The following NPHP4 variants were observed in gnomAD, a reference collection of about 807,000 sequenced individuals.
NPHP4 encodes nephrocystin 4.
Under a neutral mutation model 155.8 loss-of-function variants are expected in NPHP4, and 151 were observed. That is an observed-to-expected ratio of 0.97 (90% CI 0.85 to 1.11). The LOEUF is 1.11. NPHP4 is among the 50% of genes least tolerant of loss of function. The pLI is 0.00. For synonymous variants in NPHP4, 845 were observed against 816.8 expected, an observed-to-expected ratio of 1.03 and a Z score of -0.59; for missense variants, 1,956 against 1,925.7, an observed-to-expected ratio of 1.02 and a Z score of -0.29.
At chr1:5,972,223 C>G (rs12091974) in intron 3 of NPHP4, among the ~76,000 whole-genome samples, 4,041 of 152,280 alleles carry the variant, frequency 0.027, 156 homozygotes, top group African/African-American at 0.088. Context: ...TTTTAATAAG[C>G]CTTTAACAGG....
chr1:5,933,370 AGAAG>A (rs763375864), intron 9 of NPHP4, 41 bp from the exon 10 acceptor site: 8 of 1,541,230 alleles, frequency 5.2e-6, no homozygotes, highest in Non-Finnish European at 6.2e-6. Flanking sequence ...GAGTTATCAC[AGAAG>A]TCACCTGGAG....
At chr1:5,942,284 C>A (rs113738557) in intron 9 of NPHP4, among the ~76,000 whole-genome samples, 1 of 152,112 alleles carries the variant, frequency 6.6e-6, no homozygotes, top group Non-Finnish European at 1.5e-5. Context: ...GTAATCCCAG[C>A]ACTTTGGAAG....
rs1402607812 is a variant in NPHP4 at position 5,917,354 on chromosome 1, T to C, written c.1442-8141A>G. ...CCTGGGAGCTCCTGGGCTCACCATG[T>C]GGAGAAACTCTACCCGGAAAGAAGC... On this transcript the variant is annotated intron_variant, in intron 11 of 29. Coordinates refer to ENST00000378156, the MANE Select transcript of NPHP4 (RefSeq NM_015102.5). 3.3e-5 allele frequency among the ~76,000 whole-genome samples: 5 copies of C among 151,966 alleles called. No individual in the cohort carries two copies. In the East Asian group the frequency reaches 9.7e-4, roughly 30 times the overall value.
At chr1:5,878,627 CAT>C (rs891765243) in intron 19 of NPHP4, among the ~76,000 whole-genome samples, 11 of 152,208 alleles carry the variant, frequency 7.2e-5, no homozygotes, top group Admixed American at 3.3e-4. Flanking sequence ...ATGGGTGAGA[CAT>C]GTGCTTTTAA....
intron 1 of NPHP4, among the ~76,000 whole-genome samples, chr1:5,987,734 G>A (rs1655697158): frequency 6.6e-6 from 1 of 152,186 alleles, no homozygotes; most frequent in African/African-American, 2.4e-5. Context: ...GGGGAAGCCT[G>A]GCTGTGACTG....
chr1:5,876,997 G>T, intron 20 of NPHP4, 96 bp downstream of exon 20: 2 of 860,076 alleles, frequency 2.3e-6, no homozygotes, highest in Non-Finnish European at 1.6e-6. Context: ...TGGGAGGAAG[G>T]TAAGAGAGAA....
chr1:5,958,329 T>C (rs1235359617), intron 6 of NPHP4, among the ~76,000 whole-genome samples: 1 of 152,122 alleles, frequency 6.6e-6, no homozygotes, highest in Non-Finnish European at 1.5e-5. Context: ...GTGCATTCCT[T>C]GATGCTGGAG....
At chr1:5,915,773 GTCCCAC>G (rs2101479663) in intron 11 of NPHP4, among the ~76,000 whole-genome samples, 1 of 152,278 alleles carries the variant, frequency 6.6e-6, no homozygotes, top group Non-Finnish European at 1.5e-5. Context: ...CTGACCCACT[GTCCCAC>G]TAATTCTCCA....
At chr1:5,974,794 G>A (rs1255120105) in intron 3 of NPHP4, among the ~76,000 whole-genome samples, 6 of 152,100 alleles carry the variant, frequency 3.9e-5, no homozygotes, top group Middle Eastern at 3.4e-3. Context: ...CCCCTCTCTC[G>A]GGGTCATGTG....
At position 5,890,760 on chromosome 1, in the gene NPHP4, C is replaced by T; in HGVS notation, c.2304+108G>A. 1 of 980,532 alleles carries T rather than the reference C, an allele frequency of 1.0e-6. No homozygotes were observed. Among genetic ancestry groups the T allele is most frequent in the Non-Finnish European group, 1.5e-6 (1 of 678,492 alleles). 60.7% of individuals were successfully genotyped at this position (980,532 alleles called of 1,614,324 possible). ...GTGAACAAAGAAGGTCAAACAAGTC[C>T]TGTGCGGGATAGCGCCCGCTCCTTC... On this transcript the variant is annotated intron_variant, in intron 17 of 29. Transcript: ENST00000378156. This position sits in a 1 kb window ranked among gnomAD's most constrained non-coding sequence, Gnocchi z 4.9.
At chr1:5,909,763 C>T (rs12069778) in intron 11 of NPHP4, among the ~76,000 whole-genome samples, 2,839 of 152,264 alleles carry the variant, frequency 0.019, 72 homozygotes, top group African/African-American at 0.062. Flanking sequence ...CAAGGCCAGC[C>T]CTTCATGGGG....
At chr1:5,952,977 G>A (rs1570611182) in intron 6 of NPHP4, 141 bp from the exon 7 acceptor site, 2 of 682,384 alleles carry the variant, frequency 2.9e-6, no homozygotes, top group Non-Finnish European at 4.7e-6. Context: ...AGAGCACAAG[G>A]CCCAAGCCAA....
intron 16 of NPHP4, among the ~76,000 whole-genome samples, chr1:5,898,459 C>T (rs1457171774): frequency 6.6e-6 from 1 of 152,210 alleles, no homozygotes; most frequent in Non-Finnish European, 1.5e-5. Context: ...GGCTCACGGG[C>T]GTGGCTGCCG....
intron 16 of NPHP4, among the ~76,000 whole-genome samples, chr1:5,897,513 A>T (rs1486193422): frequency 6.6e-6 from 1 of 152,206 alleles, no homozygotes; most frequent in Non-Finnish European, 1.5e-5. Flanking sequence ...AACAGCTTTC[A>T]GCCGTCGCTC....
At position 5,866,476 on chromosome 1, in the gene NPHP4, AG is replaced by A. The variant is rs201335783; in HGVS notation, c.3559-19del. 5,848 of 1,489,700 alleles carry A rather than the reference AG, an allele frequency of 3.9e-3. 17 individuals are homozygous for A. The highest frequency in any genetic ancestry group is 5.0e-3 in the Non-Finnish European group (5,348 of 1,077,380). The allele number at this position is 1,489,700 out of a possible 1,614,324, so 92.3% of individuals were successfully genotyped here. On this transcript the variant is annotated intron_variant, in intron 25 of 29. Coordinates refer to ENST00000378156, the MANE Select transcript of NPHP4 (RefSeq NM_015102.5). The stretch of plus-strand genomic sequence containing the variant: ...CCGGGGCCCTGCCAACCAGATGTGC[AG>A]CACATCAGGGCACACAGTGCTCTGC...
intron 7 of NPHP4, 58 bp from the exon 8 acceptor site, chr1:5,948,309 G>A: frequency 7.4e-7 from 1 of 1,359,120 alleles, no homozygotes; most frequent in Non-Finnish European, 9.8e-7. Flanking sequence ...GAGCTCGCCA[G>A]AAGTCCCTGG....
At chr1:5,933,016 G>C (rs1646355513) in intron 10 of NPHP4, 131 bp downstream of exon 10, 1 of 656,480 alleles carries the variant, frequency 1.5e-6, no homozygotes. Context: ...CTTTCTAAAG[G>C]CATACCCATG....
At chr1:5,932,995 A>T (rs563725012) in intron 10 of NPHP4, among the ~76,000 whole-genome samples, 152 bp downstream of exon 10, 1 of 152,372 alleles carries the variant, frequency 6.6e-6, no homozygotes, top group South Asian at 2.1e-4. Flanking sequence ...ACATAAAAAC[A>T]TCATACTAAT....
intron 9 of NPHP4, among the ~76,000 whole-genome samples, chr1:5,945,573 A>G (rs993752911): frequency 5.9e-5 from 9 of 152,064 alleles, no homozygotes; most frequent in Non-Finnish European, 1.2e-4. Flanking sequence ...GATTAGAAAC[A>G]CCAAATGGCA....
Sources: allele counts gnomAD v4.1 joint callset (sites outside exome capture counted in the v4.1 genomes callset), GRCh38; gene constraint gnomAD v4.1.1; non-coding constraint Gnocchi (gnomAD v3.1); transcripts MANE v1.5; gene names NCBI Gene and HGNC (gene_info 2026-07-23, HGNC 2026-07-21).